RFX7: variants seen among roughly 807,000 people sequenced by gnomAD.
RFX7 encodes the protein DNA-binding protein RFX7.
A neutral mutation model predicts 111.8 loss-of-function variants in RFX7; 26 were observed. The ratio of observed to expected loss-of-function variants is 0.23; its 90% CI spans 0.17 to 0.32. The LOEUF (loss-of-function observed/expected upper bound fraction) is 0.32, where lower values mean the gene tolerates loss of function less well. Among genes scored for constraint, RFX7 ranks in the 10% least tolerant of loss-of-function variants. RFX7 has a pLI of 1.00. For synonymous variants in RFX7, 624 were observed against 624.4 expected (o/e 1.00, Z 0.01); for missense variants, 1,573 against 1,772.9 (o/e 0.89, Z 2.02).
intron 5 of RFX7, among the ~76,000 whole-genome samples, chr15:56,131,573 T>C (rs1226462906): frequency 2.0e-5 from 3 of 152,210 alleles, no homozygotes; most frequent in Non-Finnish European, 4.4e-5. Flanking sequence ...TTAAGTAATA[T>C]CTTTATAAAA....
chr15:56,114,686 G>C (rs2041985318), intron 5 of RFX7, among the ~76,000 whole-genome samples: 1 of 151,798 alleles, frequency 6.6e-6, no homozygotes, highest in Non-Finnish European at 1.5e-5. Context: ...CAAAACTAAA[G>C]AAGAGTTAAA....
At position 56,243,810 on chromosome 15, in the gene RFX7, C is replaced by G. The variant is rs2043758543; in HGVS notation, c.-368G>C. On this transcript the variant is annotated 5_prime_UTR_variant, in exon 1 of 10. Transcript: ENST00000559447. ...ACGCCGCCGCCGCCGCCGCCGCTCGCTCCCGGCCCCGCCGCCGCCGCGGCC... is the reference window on the plus strand; with the variant it reads ...ACGCCGCCGCCGCCGCCGCCGCTCGGTCCCGGCCCCGCCGCCGCCGCGGCC... Among the ~76,000 whole-genome samples, 1 of 147,396 alleles carries G rather than the reference C, an allele frequency of 6.8e-6. No individual in the cohort carries two copies. Among genetic ancestry groups the G allele is most frequent in the Non-Finnish European group, 1.5e-5 (1 of 66,160 alleles).
At chr15:56,202,617 A>C (rs1284904334) in intron 2 of RFX7, among the ~76,000 whole-genome samples, 1 of 152,156 alleles carries the variant, frequency 6.6e-6, no homozygotes, top group African/African-American at 2.4e-5. Flanking sequence ...CAACTTCGAC[A>C]ACACAGCGAG....
chr15:56,242,049 A>G (rs1239105918), intron 2 of RFX7, among the ~76,000 whole-genome samples: 2 of 152,238 alleles, frequency 1.3e-5, no homozygotes, highest in South Asian at 2.1e-4. Flanking sequence ...TTGCTTTACG[A>G]TATGTTTTCA....
chr15:56,169,707 T>C (rs931294951), intron 3 of RFX7, among the ~76,000 whole-genome samples: 32 of 148,792 alleles, frequency 2.2e-4, no homozygotes, highest in African/African-American at 7.9e-4. Flanking sequence ...GTTCTTTTTT[T>C]TTTTTTTTTT....
intron 5 of RFX7, among the ~76,000 whole-genome samples, chr15:56,124,610 T>A (rs981331998): frequency 6.6e-6 from 1 of 152,218 alleles, no homozygotes; most frequent in Non-Finnish European, 1.5e-5. Context: ...TGATGATTAG[T>A]GATGTTGAGC....
chr15:56,116,628 AGAC>A (rs1191073159), intron 5 of RFX7, among the ~76,000 whole-genome samples: 8 of 152,196 alleles, frequency 5.3e-5, no homozygotes, highest in African/African-American at 1.9e-4. Flanking sequence ...TCTCCGCAGA[AGAC>A]GATACCCAGT....
rs764306050 is a variant in RFX7, at chr15:56,095,509, C to T, written c.2219G>A (p.Ser740Asn). 6.2e-7 allele frequency: 1 copy of T among 1,613,190 alleles called. No individual in the cohort carries two copies. The highest frequency in any genetic ancestry group is 8.5e-7 in the Non-Finnish European group (1 of 1,179,856). ...QPLNSSALVI[S>N]DSALEQQTTP... Reference sequence around the variant, plus strand: ...TGTTTGCTGTTCCAAAGCTGAATCACTGATAACAAGGGCAGAGGAATTCAA... The same window carrying T: ...TGTTTGCTGTTCCAAAGCTGAATCATTGATAACAAGGGCAGAGGAATTCAA... The change falls in exon 10 of 10, where the codon AGT becomes AAT. Residue 740 changes from serine (S) to asparagine (N), a missense_variant. This residue lies in a region of RFX7 where 625 missense variants were observed against 632.2 expected (regional missense o/e 0.99). Coordinates refer to ENST00000559447, the MANE Select transcript of RFX7 (RefSeq NM_022841.7).
chr15:56,207,285 G>A (rs12591151), intron 2 of RFX7, among the ~76,000 whole-genome samples: 19,728 of 151,960 alleles, frequency 0.13, 1,643 homozygotes, highest in East Asian at 0.43. Flanking sequence ...GGAGGAAATG[G>A]GGGGGTATTG....
At chr15:56,136,339 G>A (rs1464167493) in intron 5 of RFX7, among the ~76,000 whole-genome samples, 2 of 141,642 alleles carry the variant, frequency 1.4e-5, no homozygotes, top group African/African-American at 2.7e-5. Flanking sequence ...CACATCCCTT[G>A]TAAGTTGGAT....
chr15:56,203,213 T>C (rs2043212295), intron 2 of RFX7, among the ~76,000 whole-genome samples: 1 of 152,192 alleles, frequency 6.6e-6, no homozygotes, highest in Admixed American at 6.5e-5. Flanking sequence ...TATGACAACC[T>C]GGAACAGATA....
intron 2 of RFX7, among the ~76,000 whole-genome samples, chr15:56,218,139 A>ATTT (rs2043382660): frequency 5.8e-5 from 3 of 51,932 alleles, no homozygotes; most frequent in Admixed American, 2.0e-4. Flanking sequence ...TTTAGAAATG[A>ATTT]TTTTCTTTTT....
Position 56,093,446 on chromosome 15 carries a change from A to G in RFX7, c.4282T>C (p.Leu1428=). The G allele has an allele frequency of 2.5e-6, 4 of 1,613,888 alleles. No individual in the cohort carries two copies. Among genetic ancestry groups the G allele is most frequent in the Non-Finnish European group, 3.4e-6 (4 of 1,179,826 alleles). Residue 1428 remains leucine, a synonymous_variant, in exon 10 of 10, where the codon TTA becomes CTA. Transcript: ENST00000559447. ...GATTCACTGCAAATTTGTTGAAATA[A>G]TGGGTCATTCTTTAATTCTTCCAGT... ...ATLEELKNDP[L]FQQICSESMN... is the part of the protein sequence containing the mutation.
intron 2 of RFX7, among the ~76,000 whole-genome samples, chr15:56,213,418 G>GT (rs2043331832): frequency 6.6e-6 from 1 of 152,142 alleles, no homozygotes; most frequent in Non-Finnish European, 1.5e-5. Flanking sequence ...ATTATGCTGA[G>GT]TGAAAAAAGC....
At chr15:56,185,760 G>A (rs535151088) in intron 2 of RFX7, among the ~76,000 whole-genome samples, 35 of 151,932 alleles carry the variant, frequency 2.3e-4, no homozygotes, top group Admixed American at 1.4e-3. Context: ...AGAAGTTTGT[G>A]GTCAGTCTCC....
At chr15:56,205,011 T>C (rs1299895683) in intron 2 of RFX7, among the ~76,000 whole-genome samples, 1 of 152,134 alleles carries the variant, frequency 6.6e-6, no homozygotes, top group Non-Finnish European at 1.5e-5. Flanking sequence ...ATTAAGACAA[T>C]AAAGGCAAAA....
Position 56,098,324 on chromosome 15 carries a change from A to G in RFX7, c.864T>C (p.Asn288=), listed in dbSNP as rs775935194. The change falls in exon 9 of 10, where the codon AAT becomes AAC. Residue 288 remains asparagine (N), a synonymous_variant. Transcript: ENST00000559447. ...PSAFIPTAES[N]SFQPQVKTLP... ...AAGTCTTCACCTGAGGCTGAAAGGA[A>G]TTACTTTCAGCTGTAGGTATAAAAG... is the stretch of plus-strand genomic sequence containing the variant. 1.2e-6 allele frequency: 2 copies of G among 1,612,740 alleles called. No individual in the cohort carries two copies. Among genetic ancestry groups the G allele is most frequent in the Middle Eastern group, 1.7e-4 (1 of 6,060 alleles).
chr15:56,215,564 C>G (rs1490741433), intron 2 of RFX7, among the ~76,000 whole-genome samples: 3 of 152,098 alleles, frequency 2.0e-5, no homozygotes, highest in Non-Finnish European at 4.4e-5. Context: ...ATGTTATTAC[C>G]ATTTTTATAC....
Position 56,095,220 on chromosome 15 carries a change from A to T in RFX7, c.2508T>A (p.His836Gln). 1 of 1,613,932 alleles carries T rather than the reference A, an allele frequency of 6.2e-7. No individual in the cohort carries two copies. The highest frequency in any genetic ancestry group is 8.5e-7 in the Non-Finnish European group (1 of 1,179,778). ...TTAAAGAAGATTCCTGTATCTGGCT[A>T]TGTAGCTGCTGGCTATATGTGTCCT... ...MPQDTYSQQL[H>Q]SQIQESSLNQ... The change falls in exon 10 of 10, where the codon CAT (histidine) becomes CAA (glutamine). Residue 836 changes from histidine (H) to glutamine (Q), a missense_variant. His to Gln is a conservative substitution (Grantham distance 24). This residue lies in a region of RFX7 where 625 missense variants were observed against 632.2 expected (regional missense o/e 0.99). Coordinates refer to ENST00000559447, the MANE Select transcript of RFX7 (RefSeq NM_022841.7).
Sources: gnomAD v4.1 joint callset for allele counts (sites outside exome capture counted in the v4.1 genomes callset) on GRCh38, gnomAD v4.1.1 for gene constraint, gnomAD v4.1.1 regional missense constraint, MANE v1.5 for transcripts, NCBI Gene and HGNC (gene_info 2026-07-23, HGNC 2026-07-21) for gene names.